Variants in ELF4 observed in about 807,000 individuals in gnomAD.
ELF4 encodes ETS-related transcription factor Elf-4.
In ELF4, 10 loss-of-function variants were observed where a neutral mutation model predicts 31.7. The ratio of observed to expected loss-of-function variants is 0.32; its 90% CI spans 0.19 to 0.54. ELF4 has a LOEUF of 0.54. Ranked by LOEUF, ELF4 falls within the 20% of genes least tolerant of loss-of-function variation. ELF4 has a pLI of 0.95. For missense variants in ELF4, 418 were observed against 522.0 expected (o/e 0.80, Z 1.94); for synonymous variants, 208 against 226.7 (o/e 0.92, Z 0.74).
At position 130,101,114 on chromosome X, in the gene ELF4, C is replaced by T. The variant is rs148677356; in HGVS notation, c.-210+9211G>A. Among the ~76,000 whole-genome samples the T allele has an allele frequency of 2.2e-3, 246 of 112,675 alleles. 1 individual carries two copies. The highest frequency in any genetic ancestry group is 3.8e-3 in the Non-Finnish European group (204 of 53,318). On this transcript the variant is annotated intron_variant, in intron 1 of 8. Transcript: ENST00000308167. ...TCTTTGTACAAAACCACAATGTTTCCACCCTGGGGTTATTGGTTGATCACT... is the reference window on the plus strand; with the variant it reads ...TCTTTGTACAAAACCACAATGTTTCTACCCTGGGGTTATTGGTTGATCACT...
intron 4 of ELF4, 120 bp from the exon 5 acceptor site, chrX:130,072,537 A>C: frequency 3.0e-6 from 2 of 673,568 alleles, no homozygotes; most frequent in Non-Finnish European, 4.6e-6. Flanking sequence ...CCAGCCCCAG[A>C]CACAGGATAC....
intron 4 of ELF4, among the ~76,000 whole-genome samples, chrX:130,073,559 T>C (rs1932806974): frequency 8.9e-6 from 1 of 112,444 alleles, no homozygotes; most frequent in African/African-American, 3.2e-5. Context: ...TCACCCAGGC[T>C]GGAGTGCAAT....
At chrX:130,068,449 C>T (rs1932739509) in intron 8 of ELF4, among the ~76,000 whole-genome samples, 1 of 112,055 alleles carries the variant, frequency 8.9e-6, no homozygotes, top group Non-Finnish European at 1.9e-5. Flanking sequence ...GATCCCAGAG[C>T]TCATCTTCCT....
intron 1 of ELF4, among the ~76,000 whole-genome samples, chrX:130,095,571 G>C (rs1369306701): frequency 1.8e-5 from 2 of 111,553 alleles, no homozygotes; most frequent in Non-Finnish European, 3.8e-5. Context: ...AGGCTTCCCA[G>C]GCTTGTGTCC....
chrX:130,107,550 C>T (rs1035447333), intron 1 of ELF4, among the ~76,000 whole-genome samples: 3 of 111,789 alleles, frequency 2.7e-5, no homozygotes, highest in Non-Finnish European at 5.6e-5. Flanking sequence ...GCTCTGACTC[C>T]AGCCCACACG....
chrX:130,079,251 A>G (rs780573344), intron 2 of ELF4, among the ~76,000 whole-genome samples: 3 of 110,667 alleles, frequency 2.7e-5, no homozygotes, highest in African/African-American at 9.9e-5. Context: ...TGCGGTCAGG[A>G]GTTCGAGACC....
intron 1 of ELF4, among the ~76,000 whole-genome samples, chrX:130,091,677 A>C (rs1933059123): frequency 9.0e-6 from 1 of 111,266 alleles, no homozygotes; most frequent in Admixed American, 9.5e-5. Context: ...ACAACTCAGC[A>C]GATTCTCATC....
At chrX:130,109,669 C>A (rs759800387) in intron 1 of ELF4, among the ~76,000 whole-genome samples, 58 of 112,371 alleles carry the variant, frequency 5.2e-4, no homozygotes, top group African/African-American at 1.9e-3. Flanking sequence ...CGGTCACCGC[C>A]TCAGCAGTCC....
At position 130,092,971 on chromosome X, in the gene ELF4, C is replaced by T. The variant is rs1933085764; in HGVS notation, c.-209-11432G>A. Among the ~76,000 whole-genome samples, 5 of 109,263 alleles carry T rather than the reference C, an allele frequency of 4.6e-5. No homozygotes were observed. The Admixed American group carries it at 4.9e-4, about 11-fold the overall frequency. The allele number at this position is 109,263 out of a possible 115,157, so 94.9% of individuals were successfully genotyped here. On this transcript the variant is annotated intron_variant, in intron 1 of 8. Transcript: ENST00000308167. ...CCCACAAATCCAAAAAGGTGGCCCT[C>T]CCTGTACTCAGGTTTCGAATCTTGA...
At chrX:130,090,786 A>G (rs1415401314) in intron 1 of ELF4, among the ~76,000 whole-genome samples, 1 of 112,175 alleles carries the variant, frequency 8.9e-6, no homozygotes, top group Non-Finnish European at 1.9e-5. Flanking sequence ...ATCAAAAGAA[A>G]AATATTTCCT....
intron 1 of ELF4, among the ~76,000 whole-genome samples, chrX:130,099,926 C>T (rs762495144): frequency 8.9e-6 from 1 of 111,763 alleles, no homozygotes; most frequent in Admixed American, 9.5e-5. Flanking sequence ...CATGAGCCAC[C>T]GCCTGCCTCT....
At chrX:130,110,813 G>A (rs1344890618), upstream of ELF4, 10 of 105,869 alleles carry the variant, frequency 9.4e-5, no homozygotes, top group East Asian at 2.1e-3. Context: ...GCCAAGACAC[G>A]GGGCGGCAGG....
intron 1 of ELF4, among the ~76,000 whole-genome samples, chrX:130,104,277 T>TACACACACACACACAC (rs61193112): frequency 1.6e-4 from 14 of 86,418 alleles, no homozygotes; most frequent in Non-Finnish European, 2.5e-4. Context: ...TTCAGTATAT[T>TACACACACACACACAC]ACACACACAC....
At chrX:130,074,897 C>T in intron 2 of ELF4, 145 bp from the exon 3 acceptor site, 1 of 684,373 alleles carries the variant, frequency 1.5e-6, no homozygotes, top group Non-Finnish European at 2.2e-6. Context: ...ACTCTGGGTC[C>T]AGCCTCATTA....
chrX:130,080,423 C>CAAAAAAAAA, intron 2 of ELF4, among the ~76,000 whole-genome samples: 1 of 56,337 alleles, frequency 1.8e-5, no homozygotes, highest in African/African-American at 6.6e-5. Context: ...GACTTCGTTT[C>CAAAAAAAAA]AAAAAAAAAA....
chrX:130,087,503 C>G (rs913825121), intron 1 of ELF4, among the ~76,000 whole-genome samples: 1 of 112,753 alleles, frequency 8.9e-6, no homozygotes, highest in Non-Finnish European at 1.9e-5. Context: ...TTTTTTGAGA[C>G]GGAGTCTCAC....
upstream of ELF4, chrX:130,110,600 A>G (rs891266884): frequency 9.4e-6 from 1 of 106,372 alleles, no homozygotes; most frequent in Non-Finnish European, 2.0e-5. Context: ...TGCCCCCGCC[A>G]CCCCGCGCCC....
intron 8 of ELF4, among the ~76,000 whole-genome samples, chrX:130,068,766 G>A (rs1380500109): frequency 8.9e-6 from 1 of 112,331 alleles, no homozygotes; most frequent in Non-Finnish European, 1.9e-5. Flanking sequence ...GGACACGGAC[G>A]CCCTGGTGGC....
At chrX:130,071,569 C>T in intron 5 of ELF4, 150 bp from the exon 6 acceptor site, 1 of 530,194 alleles carries the variant, frequency 1.9e-6, no homozygotes, top group Non-Finnish European at 3.2e-6. Context: ...GCCCTCAGGC[C>T]TTTGCACCCT....
Sources: gnomAD v4.1 joint callset for allele counts (sites outside exome capture counted in the v4.1 genomes callset) on GRCh38, gnomAD v4.1.1 for gene constraint, MANE v1.5 for transcripts, NCBI Gene and HGNC (gene_info 2026-07-23, HGNC 2026-07-21) for gene names.